Variants in CEP72 observed in about 807,000 individuals in gnomAD.
The protein encoded by CEP72 is centrosomal protein 72.
A neutral mutation model predicts 65.7 loss-of-function variants in CEP72; 78 were observed. The observed-to-expected ratio is 1.19, with a 90% CI of 0.99 to 1.43. CEP72 has a LOEUF of 1.43. Among genes scored for constraint, CEP72 ranks in the 40% most tolerant of loss-of-function variants. The pLI is 0.00. For missense variants in CEP72, 914 were observed against 832.9 expected, an observed-to-expected ratio of 1.10 and a Z score of -1.20; for synonymous variants, 358 against 351.7, an observed-to-expected ratio of 1.02 and a Z score of -0.20.
chr5:613,081 C>T (rs1735775657), intron 1 of CEP72, among the ~76,000 whole-genome samples: 1 of 152,166 alleles, frequency 6.6e-6, no homozygotes, highest in African/African-American at 2.4e-5. Flanking sequence ...GAGAACCGTT[C>T]ATATTAGTTC....
rs559349977 is a variant in CEP72 at position 646,801 on chromosome 5, C to T, written c.1667-1004C>T. Among the ~76,000 whole-genome samples the T allele has an allele frequency of 5.8e-4, 89 of 152,334 alleles. 1 individual carries two copies. In the South Asian group the frequency reaches 0.015, roughly 26 times the overall value. On this transcript the variant is annotated intron_variant, in intron 10 of 11. Coordinates refer to ENST00000264935, the MANE Select transcript of CEP72 (RefSeq NM_018140.4). ...CTGTCCCGTTCTCAGAGCTGACGGC[C>T]ACCCACTGCTGACGGCTGCCTCACT...
At chr5:636,953 T>C (rs909976928) in intron 6 of CEP72, among the ~76,000 whole-genome samples, 6 of 152,130 alleles carry the variant, frequency 3.9e-5, no homozygotes, top group African/African-American at 9.7e-5. Flanking sequence ...ATGGGTCATC[T>C]TGAGTTGAGC....
chr5:618,959 G>T (rs566430858), intron 1 of CEP72, 31 bp from the exon 2 acceptor site: 5 of 1,545,716 alleles, frequency 3.2e-6, no homozygotes, highest in South Asian at 2.3e-5. Flanking sequence ...CAAAATAAAA[G>T]ATTAAAATCT....
chr5:664,489 G>T (rs1580069616), intron 2 of CEP72: 1 of 153,008 alleles, frequency 6.5e-6, no homozygotes, highest in East Asian at 1.9e-4. Flanking sequence ...CTGTAGGCAT[G>T]TGTGCACAGG....
At chr5:644,563 C>T in intron 10 of CEP72, 138 bp downstream of exon 10, 1 of 1,010,290 alleles carries the variant, frequency 9.9e-7, no homozygotes, top group East Asian at 2.4e-5. Flanking sequence ...GAGCCCCTGC[C>T]TCACTGGCTG....
chr5:635,502 T>G lies in CEP72; in HGVS notation c.822T>G (p.Cys274Trp). The change falls in exon 6 of 12, where the codon TGT becomes TGG. Residue 274 changes from cysteine to tryptophan, a missense_variant. Transcript: ENST00000264935. ...AGAAGATGCCTTGGAGCCAGCTCTG[T>G]GGAGAGCTTCCGCCACTGTACGGAG... ...CLEKMPWSQL[C>W]GELPPLYGAE... is the part of the protein sequence containing the mutation. 6.2e-7 allele frequency: 1 copy of G among 1,613,998 alleles called. No homozygotes were observed. The highest frequency in any genetic ancestry group is 8.5e-7 in the Non-Finnish European group (1 of 1,179,950).
downstream of CEP72, chr5:661,791 T>G (rs1739621467): frequency 6.6e-6 from 1 of 152,406 alleles, no homozygotes; most frequent in East Asian, 1.9e-4. Flanking sequence ...CTACCCCTCC[T>G]GGCTAGGTGA....
chr5:646,449 G>C (rs969825166), intron 10 of CEP72, among the ~76,000 whole-genome samples: 2 of 152,314 alleles, frequency 1.3e-5, no homozygotes, highest in African/African-American at 4.8e-5. Flanking sequence ...ATTTCAGGGA[G>C]GAGGCAGGGT....
exon 2 of CEP72, chr5:663,430 A>G (rs1455326399): frequency 6.6e-6 from 1 of 152,370 alleles, no homozygotes; most frequent in Non-Finnish European, 1.5e-5. Context: ...TGAACTTCCC[A>G]GCCCTGCCGT....
rs145705783 is a variant in CEP72 at position 665,083 on chromosome 5, G to T, written n.288-97G>T. ...CTGCTCTGGGGACACCGGCAGTGCC[G>T]CGAGGCATGGAGCGGGGGCTACTTG... On this transcript the variant is annotated intron_variant and non_coding_transcript_variant, in intron 2 of 4. Transcript: ENST00000514507. 216 of 1,602,622 alleles carry T rather than the reference G, an allele frequency of 1.3e-4. 1 individual carries two copies. In the African/African-American group the frequency reaches 2.5e-3, roughly 19 times the overall value.
intron 11 of CEP72, 31 bp from the exon 12 acceptor site, chr5:652,957 G>A: frequency 6.4e-7 from 1 of 1,573,570 alleles, no homozygotes; most frequent in South Asian, 1.2e-5. Flanking sequence ...GGACGGAAGT[G>A]CCAAGCAGCC....
chr5:648,044 A>T, intron 11 of CEP72, 128 bp downstream of exon 11: 1 of 622,616 alleles, frequency 1.6e-6, no homozygotes, highest in East Asian at 2.8e-5. Context: ...GGCCGATGAT[A>T]TCCAGGACCA....
chr5:636,459 G>C (rs1331481903), intron 6 of CEP72, among the ~76,000 whole-genome samples: 1 of 152,232 alleles, frequency 6.6e-6, no homozygotes. Context: ...AGTTAACCAA[G>C]AGTGTCACGT....
downstream of CEP72, among the ~76,000 whole-genome samples, chr5:658,836 T>A: frequency 6.6e-6 from 1 of 151,838 alleles, no homozygotes; most frequent in East Asian, 1.9e-4. Flanking sequence ...GCCTGGCTAA[T>A]TTTTTGTATT....
downstream of CEP72, chr5:660,006 A>G (rs1387495178): frequency 6.6e-6 from 1 of 152,366 alleles, no homozygotes; most frequent in Non-Finnish European, 1.5e-5. Flanking sequence ...CCAACAGGCA[A>G]CACCACACCT....
intron 11 of CEP72, among the ~76,000 whole-genome samples, chr5:648,828 G>A (rs1214916874): frequency 2.2e-5 from 3 of 134,034 alleles, no homozygotes; most frequent in Non-Finnish European, 3.2e-5. Context: ...TGACTGTGAG[G>A]TGTGACTGTG....
At chr5:674,064 C>T in the CEP72 span, among the ~76,000 whole-genome samples, 1 of 152,264 alleles carries the variant, frequency 6.6e-6, no homozygotes, top group African/African-American at 2.4e-5. Flanking sequence ...CAAGGCTGTG[C>T]ACATGGGGCC....
intron 7 of CEP72, among the ~76,000 whole-genome samples, chr5:638,174 GGA>G (rs1344654335): frequency 6.6e-6 from 1 of 152,230 alleles, no homozygotes; most frequent in African/African-American, 2.4e-5. Context: ...GCCCCGTGGT[GGA>G]GAGAGGGGAC....
At chr5:633,046 A>T (rs368327638) in intron 4 of CEP72, among the ~76,000 whole-genome samples, 1 of 30,990 alleles carries the variant, frequency 3.2e-5, no homozygotes, top group Non-Finnish European at 5.3e-5. Flanking sequence ...GCCGGGATTT[A>T]GACCAGTCCT....
Sources: gnomAD v4.1 joint callset for allele counts (sites outside exome capture counted in the v4.1 genomes callset) on GRCh38, gnomAD v4.1.1 for gene constraint, MANE v1.5 for transcripts, NCBI Gene and HGNC (gene_info 2026-07-23, HGNC 2026-07-21) for gene names.